The following HNRNPCL1 variants were observed in gnomAD, a reference collection of about 807,000 sequenced individuals.
HNRNPCL1 encodes heterogeneous nuclear ribonucleoprotein C like 1.
HNRNPCL1 carries 15 observed loss-of-function variants against 19.0 expected under a neutral mutation model. The ratio of observed to expected loss-of-function variants is 0.79; its 90% confidence interval spans 0.53 to 1.22. The LOEUF (loss-of-function observed/expected upper bound fraction) is 1.22, where lower values mean the gene tolerates loss of function less well. Ranked by LOEUF, HNRNPCL1 falls within the 50% of genes most tolerant of loss-of-function variation. HNRNPCL1 has a pLI of 0.00. For synonymous variants in HNRNPCL1, 110 were observed against 129.1 expected (o/e 0.85, Z 1.00); for missense variants, 327 against 354.7 (o/e 0.92, Z 0.63).
In HNRNPCL1 at chr1:12,848,435, C is replaced by T; in HGVS notation, c.-146G>A. 8 of 1,083,560 alleles carry T rather than the reference C, an allele frequency of 7.4e-6. No individual in the cohort carries two copies. The highest frequency in any genetic ancestry group is 1.0e-5 in the Non-Finnish European group (8 of 774,388). The allele number at this position is 1,083,560 out of a possible 1,614,324, so 67.1% of individuals were successfully genotyped here. Reference sequence around the variant, plus strand: ...AGAAATGCAGCCAAAACAGCTCAGTCTTCGTCTCTTCACAAAATGGCTCCC... The same window carrying T: ...AGAAATGCAGCCAAAACAGCTCAGTTTTCGTCTCTTCACAAAATGGCTCCC... On this transcript the variant is annotated 5_prime_UTR_variant, in exon 2 of 2. Transcript: ENST00000317869.
In HNRNPCL1 at chr1:12,848,138, C is replaced by T; in HGVS notation, c.152G>A (p.Gly51Asp). Residue 51 changes from glycine to aspartate, a missense_variant, in exon 2 of 2, where the codon GGC (glycine) becomes GAC (aspartate). Coordinates refer to ENST00000317869, the MANE Select transcript of HNRNPCL1 (RefSeq NM_001013631.3). ...GKIAGCSVHK[G>D]FAFVQYDKEK... is the part of the protein sequence containing the mutation. ...CTTATCATATTGAACGAAGGCAAAG[C>T]CCTTATGAACAGAGCAGCCCGCAAT... 1 of 1,599,016 alleles carries T rather than the reference C, an allele frequency of 6.3e-7. No homozygotes were observed. Among genetic ancestry groups the T allele is most frequent in the East Asian group, 2.2e-5 (1 of 44,628 alleles).
chr1:12,847,712 T>C lies in HNRNPCL1; in HGVS notation c.578A>G (p.Lys193Arg). The change falls in exon 2 of 2, where the codon AAA becomes AGA. Residue 193 changes from lysine to arginine, a missense_variant. Physicochemically the swap from Lys to Arg is conservative, Grantham distance 26. Transcript: ENST00000317869. The part of the protein sequence containing the change: ...IKQELTQIKQ[K>R]VDSLLENLEK... ...CAGGTTTTCCAGGAGAGAATCCACTTTCTGTTTTATCTGGGTCAACTCCTG... is the reference window on the plus strand; with the variant it reads ...CAGGTTTTCCAGGAGAGAATCCACTCTCTGTTTTATCTGGGTCAACTCCTG... The C allele has an allele frequency of 6.2e-7, 1 of 1,606,638 alleles. No individual in the cohort carries two copies. The highest frequency in any genetic ancestry group is 8.5e-7 in the Non-Finnish European group (1 of 1,176,528).
In HNRNPCL1 at chr1:12,847,981, C is replaced by A. The variant is rs544322140; in HGVS notation, c.309G>T (p.Glu103Asp). Reference protein sequence around the residue: ...GNAGVKRSAAEMYGSSFDLDY... With the variant: ...GNAGVKRSAADMYGSSFDLDY... ...CCAAGTCAAAAGAGGAGCCGTACAT[C>A]TCCGCTGCTGATCGTTTCACACCTG... Residue 103 changes from glutamate (E) to aspartate (D), a missense_variant, in exon 2 of 2, where the codon GAG becomes GAT. Around this residue, in one of 2 missense-constraint regions of HNRNPCL1, gnomAD observed 281 missense variants for 254.7 expected, o/e 1.10. Coordinates refer to ENST00000317869, the MANE Select transcript of HNRNPCL1 (RefSeq NM_001013631.3). 6.2e-7 allele frequency: 1 copy of A among 1,607,680 alleles called. No homozygotes were observed. Among genetic ancestry groups the A allele is most frequent in the South Asian group, 1.1e-5 (1 of 90,696 alleles).
Position 12,847,861 on chromosome 1 carries a change from C to T in HNRNPCL1, c.429G>A (p.Ser143=), listed in dbSNP as rs138482466. The T allele has an allele frequency of 4.8e-4, 767 of 1,606,508 alleles. 30 individuals carry two copies. Among genetic ancestry groups the T allele is most frequent in the South Asian group, 1.6e-3 (147 of 90,472 alleles). Reference sequence around the variant, plus strand: ...TGTTTCCTGATAGACGTTGACGTTTCGAGGGCACTACAGCCAGAGCAATGG... The same window carrying T: ...TGTTTCCTGATAGACGTTGACGTTTTGAGGGCACTACAGCCAGAGCAATGG... ...PPPIALAVVP[S]KRQRLSGNTS... The change falls in exon 2 of 2, where the codon TCG becomes TCA. Residue 143 remains serine, a synonymous_variant. Transcript: ENST00000317869.
chr1:12,847,591 C>T lies in HNRNPCL1; in HGVS notation c.699G>A (p.Glu233=), dbSNP rs755308674. 3 of 1,606,754 alleles carry T rather than the reference C, an allele frequency of 1.9e-6. No individual in the cohort carries two copies. Among genetic ancestry groups the T allele is most frequent in the Non-Finnish European group, 1.7e-6 (2 of 1,176,618 alleles). The change falls in exon 2 of 2, where the codon GAG becomes GAA. Residue 233 remains glutamate (E), a synonymous_variant. Coordinates refer to ENST00000317869, the MANE Select transcript of HNRNPCL1 (RefSeq NM_001013631.3). ...CCTCAGACTCCATCTTCACATGAGT[C>T]TCATCTTTCTTCATGGAGCTACTGC... ...EQSSSSMKKD[E]THVKMESEGG...
At position 12,847,957 on chromosome 1, in the gene HNRNPCL1, C is replaced by A; in HGVS notation, c.333G>T (p.Leu111Phe). The A allele has an allele frequency of 6.2e-7, 1 of 1,607,508 alleles. No individual in the cohort carries two copies. The highest frequency in any genetic ancestry group is 8.5e-7 in the Non-Finnish European group (1 of 1,177,032). ...AAEMYGSSFD[L>F]DYGFQRDYYD... ...AATAATCCCGTTGAAAGCCATAGTC[C>A]AAGTCAAAAGAGGAGCCGTACATCT... The change falls in exon 2 of 2, where the codon TTG (leucine) becomes TTT (phenylalanine). Residue 111 changes from leucine to phenylalanine, a missense_variant. By Grantham distance (22) the Leu-to-Phe change is conservative. Transcript: ENST00000317869.
At position 12,847,905 on chromosome 1, in the gene HNRNPCL1, G is replaced by A. The variant is rs554548897; in HGVS notation, c.385C>T (p.Arg129Cys). ...YYDGMYSFPA[R>C]VPPPPPIALA... is the part of the protein sequence containing the mutation. ...GCAATGGGAGGAGGAGGAGGTACAC[G>A]TGCTGGGAAACTGTACATTCCATCA... The change falls in exon 2 of 2, where the codon CGT (arginine) becomes TGT (cysteine). Residue 129 changes from arginine (R) to cysteine (C), a missense_variant. This residue lies in a region of HNRNPCL1 where 281 missense variants were observed against 254.7 expected (regional missense o/e 1.10). Coordinates refer to ENST00000317869, the MANE Select transcript of HNRNPCL1 (RefSeq NM_001013631.3). 1.2e-6 allele frequency: 2 copies of A among 1,606,660 alleles called. No homozygotes were observed. The highest frequency in any genetic ancestry group is 1.1e-5 in the South Asian group (1 of 90,488).
chr1:12,847,574 T>G lies in HNRNPCL1; in HGVS notation c.716A>C (p.Glu239Ala). ...MKKDETHVKM[E>A]SEGGAEDSAE... ...AGAGTCTTCTGCACCCCCCTCAGAC[T>G]CCATCTTCACATGAGTCTCATCTTT... Residue 239 changes from glutamate (E) to alanine (A), a missense_variant, in exon 2 of 2, where the codon GAG becomes GCG. Glu to Ala is a moderately radical substitution (Grantham distance 107). Around this residue, in one of 2 missense-constraint regions of HNRNPCL1, gnomAD observed 281 missense variants for 254.7 expected, o/e 1.10. Coordinates refer to ENST00000317869, the MANE Select transcript of HNRNPCL1 (RefSeq NM_001013631.3). 1 of 1,606,492 alleles carries G rather than the reference T, an allele frequency of 6.2e-7. No homozygotes were observed. Among genetic ancestry groups the G allele is most frequent in the South Asian group, 1.1e-5 (1 of 90,444 alleles).
In HNRNPCL1 at chr1:12,847,498, A is replaced by G. The variant is rs2359485; in HGVS notation, c.792T>C (p.Asp264=). The G allele has an allele frequency of 3.1e-6, 5 of 1,606,388 alleles. 1 individual carries two copies. Among genetic ancestry groups the G allele is most frequent in the Non-Finnish European group, 3.4e-6 (4 of 1,176,628 alleles). Residue 264 remains aspartate, a synonymous_variant, in exon 2 of 2, where the codon GAT becomes GAC. Transcript: ENST00000317869. ...LDDDVNEDQG[D]DQLELIKDDE... is the part of the protein sequence containing the mutation. ...CATCCTTGATCAACTCCAGCTGGTCATCCCCCTGATCTTCATTAACATCAT... is the reference window on the plus strand; with the variant it reads ...CATCCTTGATCAACTCCAGCTGGTCGTCCCCCTGATCTTCATTAACATCAT...
rs1406814508 is a variant in HNRNPCL1, at chr1:12,847,974, C to T, written c.316G>A (p.Gly106Ser). 12 of 1,607,600 alleles carry T rather than the reference C, an allele frequency of 7.5e-6. 1 individual carries two copies. The highest frequency in any genetic ancestry group is 2.2e-5 in the East Asian group (1 of 44,784). Reference protein sequence around the residue: ...GVKRSAAEMYGSSFDLDYGFQ... With the variant: ...GVKRSAAEMYSSSFDLDYGFQ... ...CCATAGTCCAAGTCAAAAGAGGAGC[C>T]GTACATCTCCGCTGCTGATCGTTTC... The change falls in exon 2 of 2, where the codon GGC (glycine) becomes AGC (serine). Residue 106 changes from glycine to serine, a missense_variant. Physicochemically the swap from Gly to Ser is moderately conservative, Grantham distance 56. This residue lies in a region of HNRNPCL1 where 281 missense variants were observed against 254.7 expected (regional missense o/e 1.10). Coordinates refer to ENST00000317869, the MANE Select transcript of HNRNPCL1 (RefSeq NM_001013631.3).
chr1:12,847,745 G>A lies in HNRNPCL1; in HGVS notation c.545C>T (p.Ala182Val), dbSNP rs1466003442. ...TATCTGGGTCAACTCCTGCTTAATGGCCTGAAGGTCATCACCTTTCAACTT... is the reference window on the plus strand; with the variant it reads ...TATCTGGGTCAACTCCTGCTTAATGACCTGAAGGTCATCACCTTTCAACTT... ...SGKLKGDDLQ[A>V]IKQELTQIKQ... Residue 182 changes from alanine to valine, a missense_variant, in exon 2 of 2, where the codon GCC becomes GTC. Ala to Val is a moderately conservative substitution (Grantham distance 64). Transcript: ENST00000317869. 6.2e-7 allele frequency: 1 copy of A among 1,606,632 alleles called. No individual in the cohort carries two copies. Among genetic ancestry groups the A allele is most frequent in the South Asian group, 1.1e-5 (1 of 90,476 alleles).
Position 12,847,690 on chromosome 1 carries a change from GT to G in HNRNPCL1, c.599del (p.Asn200ThrfsTer14). On this transcript the variant is annotated frameshift_variant, in exon 2 of 2. Transcript: ENST00000317869. LOFTEE classifies it high-confidence loss of function. ...TCTGTTCCTTTTCAATTTTTTCCAG[GT>G]TTTCCAGGAGAGAATCCACTTTCTG... Reference protein sequence around the residue: ...IKQKVDSLLENLEKIEKEQSK... With the variant: ...IKQKVDSLLEXLEKIEKEQSK... 1.2e-6 allele frequency: 2 copies of G among 1,606,338 alleles called. No homozygotes were observed. Among genetic ancestry groups the G allele is most frequent in the Non-Finnish European group, 1.7e-6 (2 of 1,176,436 alleles).
rs1389890054 is a variant in HNRNPCL1, at chr1:12,847,621, C to T, written c.669G>A (p.Glu223=). 2 of 1,606,674 alleles carry T rather than the reference C, an allele frequency of 1.2e-6. No homozygotes were observed. The highest frequency in any genetic ancestry group is 2.2e-5 in the East Asian group (1 of 44,714). Reference sequence around the variant, plus strand: ...CTTTCTTCATGGAGCTACTGCTCTGCTCCTCTTCTGACTTAGCATTTTTCA... The same window carrying T: ...CTTTCTTCATGGAGCTACTGCTCTGTTCCTCTTCTGACTTAGCATTTTTCA... ...VEVKNAKSEE[E]QSSSSMKKDE... Residue 223 remains glutamate, a synonymous_variant, in exon 2 of 2, where the codon GAG becomes GAA. Transcript: ENST00000317869.
rs745401037 is a variant in HNRNPCL1, at chr1:12,848,150, G to C, written c.140C>G (p.Ser47Cys). ...FSKYGKIAGC[S>C]VHKGFAFVQY... ...AACGAAGGCAAAGCCCTTATGAACA[G>C]AGCAGCCCGCAATTTTGCCATACTT... Residue 47 changes from serine to cysteine, a missense_variant, in exon 2 of 2, where the codon TCT (serine) becomes TGT (cysteine). Physicochemically the swap from Ser to Cys is moderately radical, Grantham distance 112. Around this residue, in one of 2 missense-constraint regions of HNRNPCL1, gnomAD observed 46 missense variants for 100.0 expected, o/e 0.46. Coordinates refer to ENST00000317869, the MANE Select transcript of HNRNPCL1 (RefSeq NM_001013631.3). The C allele has an allele frequency of 1.9e-6, 3 of 1,595,300 alleles. No individual in the cohort carries two copies. Among genetic ancestry groups the C allele is most frequent in the Non-Finnish European group, 2.6e-6 (3 of 1,170,136 alleles).
At position 12,847,848 on chromosome 1, in the gene HNRNPCL1, G is replaced by T. The variant is rs2359484; in HGVS notation, c.442C>A (p.Leu148Ile). ...CCCCTTCGTGAGGTGTTTCCTGATA[G>T]ACGTTGACGTTTCGAGGGCACTACA... ...LAVVPSKRQR[L>I]SGNTSRRGKS... Residue 148 changes from leucine (L) to isoleucine (I), a missense_variant, in exon 2 of 2, where the codon CTA becomes ATA. Physicochemically the swap from Leu to Ile is conservative, Grantham distance 5. Coordinates refer to ENST00000317869, the MANE Select transcript of HNRNPCL1 (RefSeq NM_001013631.3). The T allele has an allele frequency of 2.7e-5, 44 of 1,606,314 alleles. 7 individuals carry two copies. The South Asian group carries it at 3.5e-4, about 13-fold the overall frequency.
chr1:12,847,878 G>C lies in HNRNPCL1; in HGVS notation c.412C>G (p.Leu138Val), dbSNP rs752243739. ...ARVPPPPPIA[L>V]AVVPSKRQRL... ...TGACGTTTCGAGGGCACTACAGCCA[G>C]AGCAATGGGAGGAGGAGGAGGTACA... The change falls in exon 2 of 2, where the codon CTG becomes GTG. Residue 138 changes from leucine to valine, a missense_variant. This residue lies in a region of HNRNPCL1 where 281 missense variants were observed against 254.7 expected (regional missense o/e 1.10). Coordinates refer to ENST00000317869, the MANE Select transcript of HNRNPCL1 (RefSeq NM_001013631.3). The C allele has an allele frequency of 1.9e-5, 30 of 1,606,528 alleles. 2 individuals are homozygous for C. The East Asian group carries it at 5.1e-4, about 28-fold the overall frequency.
chr1:12,848,439 G>C lies in HNRNPCL1; in HGVS notation c.-150C>G. ...ATGCAGCCAAAACAGCTCAGTCTTCGTCTCTTCACAAAATGGCTCCCAACA... is the reference window on the plus strand; with the variant it reads ...ATGCAGCCAAAACAGCTCAGTCTTCCTCTCTTCACAAAATGGCTCCCAACA... On this transcript the variant is annotated 5_prime_UTR_variant, in exon 2 of 2. Coordinates refer to ENST00000317869, the MANE Select transcript of HNRNPCL1 (RefSeq NM_001013631.3). 2.8e-6 allele frequency: 3 copies of C among 1,080,344 alleles called. No individual in the cohort carries two copies. Among genetic ancestry groups the C allele is most frequent in the Admixed American group, 3.2e-5 (1 of 31,244 alleles). The allele number at this position is 1,080,344 out of a possible 1,614,324, so 66.9% of individuals were successfully genotyped here.
At position 12,847,788 on chromosome 1, in the gene HNRNPCL1, C is replaced by T. The variant is rs777106068; in HGVS notation, c.502G>A (p.Gly168Arg). 6.8e-6 allele frequency: 11 copies of T among 1,606,292 alleles called. 1 individual carries two copies. In the South Asian group the frequency reaches 1.2e-4, roughly 18 times the overall value. The change falls in exon 2 of 2, where the codon GGA (glycine) becomes AGA (arginine). Residue 168 changes from glycine (G) to arginine (R), a missense_variant. Physicochemically the swap from Gly to Arg is moderately radical, Grantham distance 125. Around this residue, in one of 2 missense-constraint regions of HNRNPCL1, gnomAD observed 281 missense variants for 254.7 expected, o/e 1.10. Transcript: ENST00000317869. Reference protein sequence around the residue: ...SGFNSKSGKRGSSKSGKLKGD... With the variant: ...SGFNSKSGKRRSSKSGKLKGD... ...TTCAACTTTCCAGACTTGGAAGATC[C>T]CCGCTTTCCACTCTTAGAATTGAAG...
intron 1 of HNRNPCL1, 30 bp from the exon 2 acceptor site, chr1:12,848,500 C>G (rs1468297626): frequency 6.1e-6 from 6 of 989,898 alleles, no homozygotes; most frequent in Non-Finnish European, 8.5e-6. Flanking sequence ...AGCACAACAA[C>G]ATTTTTGAAA....
Sources: gnomAD v4.1 joint callset for allele counts on GRCh38, gnomAD v4.1.1 for gene constraint, gnomAD v4.1.1 regional missense constraint, MANE v1.5 for transcripts, NCBI Gene and HGNC (gene_info 2026-07-23, HGNC 2026-07-21) for gene names.